Variants in P3H2 observed in about 807,000 individuals in gnomAD.
P3H2 encodes prolyl 3-hydroxylase 2.
Under a neutral mutation model 87.0 loss-of-function variants are expected in P3H2, and 80 were observed. That is an observed-to-expected ratio of 0.92 (90% CI 0.77 to 1.11). P3H2 has a LOEUF of 1.11. P3H2 is among the 50% of genes least tolerant of loss of function. P3H2 has a pLI of 0.00. For missense variants in P3H2, 1,001 were observed against 923.9 expected (o/e 1.08, Z -1.08); for synonymous variants, 367 against 359.3 (o/e 1.02, Z -0.24).
intron 11 of P3H2, 34 bp from the exon 12 acceptor site, chr3:189,972,041 TG>T: frequency 7.6e-7 from 1 of 1,307,560 alleles, no homozygotes; most frequent in South Asian, 1.2e-5. Flanking sequence ...GAACGAGAAA[TG>T]AAGTGCAGCA....
chr3:189,977,773 T>C (rs889483405), intron 8 of P3H2, among the ~76,000 whole-genome samples: 1 of 151,880 alleles, frequency 6.6e-6, no homozygotes, highest in Non-Finnish European at 1.5e-5. Flanking sequence ...GTTTATTTTT[T>C]TTTTTGTCAG....
At chr3:190,099,490 C>T (rs1465378649) in intron 1 of P3H2, among the ~76,000 whole-genome samples, 1 of 152,158 alleles carries the variant, frequency 6.6e-6, no homozygotes, top group Non-Finnish European at 1.5e-5. Context: ...AAGGTTTTAT[C>T]AGCAGAAACT....
intron 5 of P3H2, among the ~76,000 whole-genome samples, 168 bp from the exon 6 acceptor site, chr3:189,987,045 T>C (rs1723723338): frequency 6.6e-6 from 1 of 152,232 alleles, no homozygotes; most frequent in African/African-American, 2.4e-5. Context: ...CGCTAGCATG[T>C]ATGAATAAAA....
At chr3:190,113,097 C>G (rs886409194) in intron 1 of P3H2, among the ~76,000 whole-genome samples, 16 of 152,188 alleles carry the variant, frequency 1.1e-4, no homozygotes, top group African/African-American at 3.4e-4. Context: ...TCTCTGAAGG[C>G]AATGGGTTTA....
chr3:190,046,637 T>C (rs1158305306), intron 1 of P3H2, among the ~76,000 whole-genome samples: 1 of 151,588 alleles, frequency 6.6e-6, no homozygotes, highest in Non-Finnish European at 1.5e-5. Flanking sequence ...CACAATCAGA[T>C]ATAGATTTAA....
chr3:190,026,502 C>T (rs562170958), intron 1 of P3H2, among the ~76,000 whole-genome samples: 1 of 152,158 alleles, frequency 6.6e-6, no homozygotes, highest in Non-Finnish European at 1.5e-5. Context: ...TGCTACACTC[C>T]CACCAGTGCT....
In P3H2 at chr3:190,097,408, A is replaced by G. The variant is rs147723785; in HGVS notation, c.480+22844T>C. Among the ~76,000 whole-genome samples, 185 of 152,346 alleles carry G rather than the reference A, an allele frequency of 1.2e-3. 1 individual carries two copies. Among genetic ancestry groups the G allele is most frequent in the African/African-American group, 4.2e-3 (176 of 41,576 alleles). On this transcript the variant is annotated intron_variant, in intron 1 of 14. Transcript: ENST00000319332. ...CATATATAGTTCAATAAAGAAGTCA[A>G]TAAGAGACTGACTTATACCTACAAA...
intron 8 of P3H2, among the ~76,000 whole-genome samples, chr3:189,982,133 T>C (rs940653575): frequency 2.0e-5 from 3 of 152,212 alleles, no homozygotes; most frequent in Admixed American, 6.5e-5. Flanking sequence ...TCTACACAAT[T>C]CTATGTTTCA....
intron 1 of P3H2, among the ~76,000 whole-genome samples, chr3:190,116,817 A>G (rs7617109): frequency 0.039 from 5,926 of 152,334 alleles, 384 homozygotes; most frequent in African/African-American, 0.13. Flanking sequence ...AGAGTCTCAC[A>G]CTGCCTTTAA....
intron 1 of P3H2, among the ~76,000 whole-genome samples, chr3:190,110,630 G>C (rs1712035801): frequency 6.6e-6 from 1 of 152,112 alleles, no homozygotes; most frequent in Admixed American, 6.5e-5. Flanking sequence ...TGGTCTACTG[G>C]ATTAGTCTTT....
intron 1 of P3H2, among the ~76,000 whole-genome samples, chr3:189,998,884 A>C (rs1438103352): frequency 1.3e-5 from 2 of 152,154 alleles, no homozygotes; most frequent in African/African-American, 4.8e-5. Context: ...CAAGATTCTC[A>C]TAAGGAGCAC....
chr3:190,084,357 T>C (rs984290290), intron 1 of P3H2, among the ~76,000 whole-genome samples: 1 of 152,226 alleles, frequency 6.6e-6, no homozygotes, highest in African/African-American at 2.4e-5. Context: ...TTTCACAAAC[T>C]TTTGCCATAA....
chr3:190,016,648 T>G (rs2108938034), intron 1 of P3H2, among the ~76,000 whole-genome samples: 1 of 152,340 alleles, frequency 6.6e-6, no homozygotes, highest in Admixed American at 6.5e-5. Flanking sequence ...GTTTGCAAAT[T>G]AAAACTCCAA....
At chr3:189,963,397 G>C (rs963681892) in intron 14 of P3H2, 2 of 155,188 alleles carry the variant, frequency 1.3e-5, no homozygotes, top group Non-Finnish European at 2.9e-5. Flanking sequence ...TCCGTCTTCT[G>C]GGTGACCAAT....
intron 1 of P3H2, among the ~76,000 whole-genome samples, chr3:190,054,645 A>G (rs1483924765): frequency 6.6e-6 from 1 of 152,122 alleles, no homozygotes; most frequent in Non-Finnish European, 1.5e-5. Flanking sequence ...TGCTTTAAAG[A>G]TTGTTCTCAC....
At chr3:190,021,842 C>T (rs1039118938) in intron 1 of P3H2, among the ~76,000 whole-genome samples, 4 of 134,866 alleles carry the variant, frequency 3.0e-5, no homozygotes, top group Non-Finnish European at 5.0e-5. Context: ...TCCAGTGGTA[C>T]TAAATTTGTA....
At chr3:190,112,546 C>T (rs73890219) in intron 1 of P3H2, among the ~76,000 whole-genome samples, 17,874 of 152,210 alleles carry the variant, frequency 0.12, 1,692 homozygotes, top group African/African-American at 0.27. Context: ...TCCCCATTTT[C>T]CCCTCTGCTC....
chr3:189,963,786 A>C (rs1722888493), intron 14 of P3H2, 172 bp downstream of exon 14: 1 of 713,062 alleles, frequency 1.4e-6, no homozygotes, highest in African/African-American at 1.7e-5. Context: ...GTGACTATCA[A>C]ATATCATTGA....
chr3:190,049,747 G>C, intron 1 of P3H2, among the ~76,000 whole-genome samples: 1 of 152,092 alleles, frequency 6.6e-6, no homozygotes, highest in East Asian at 1.9e-4. Context: ...AAAATAACCT[G>C]TCAATACATA....
Sources: gnomAD v4.1 joint callset for allele counts (sites outside exome capture counted in the v4.1 genomes callset) on GRCh38, gnomAD v4.1.1 for gene constraint, MANE v1.5 for transcripts, NCBI Gene and HGNC (gene_info 2026-07-23, HGNC 2026-07-21) for gene names.